Variants in RBFOX1 observed in about 807,000 individuals in gnomAD.
RBFOX1 encodes RNA binding protein fox-1 homolog 1.
RBFOX1 carries 8 observed loss-of-function variants against 57.7 expected under a neutral mutation model. The observed-to-expected ratio is 0.14, with a 90% CI of 0.08 to 0.25. RBFOX1 has a LOEUF of 0.25. Among genes scored for constraint, RBFOX1 ranks in the 10% least tolerant of loss-of-function variants. The pLI is 1.00. For missense variants in RBFOX1, 611 were observed against 548.5 expected (o/e 1.11, Z -1.14); for synonymous variants, 326 against 222.4 (o/e 1.47, Z -4.15).
At chr16:6,799,251 C>T (rs985913045) in intron 3 of RBFOX1, among the ~76,000 whole-genome samples, 1 of 152,106 alleles carries the variant, frequency 6.6e-6, no homozygotes, top group African/African-American at 2.4e-5. Flanking sequence ...ATAGACACAG[C>T]AGGGCCACCC....
intron 1 of RBFOX1, among the ~76,000 whole-genome samples, chr16:6,201,491 G>A (rs1467759084): frequency 3.3e-5 from 5 of 152,126 alleles, no homozygotes; most frequent in African/African-American, 1.2e-4. Flanking sequence ...GAGATAGAGT[G>A]GAATGATGGT....
intron 2 of RBFOX1, among the ~76,000 whole-genome samples, chr16:6,607,366 C>T (rs974471135): frequency 9.3e-5 from 14 of 150,768 alleles, no homozygotes; most frequent in Admixed American, 2.6e-4. Flanking sequence ...ATGTTATAAC[C>T]ATATGACCAA....
At chr16:5,334,897 A>G (rs895232102) in intron 1 of RBFOX1, among the ~76,000 whole-genome samples, 1 of 152,092 alleles carries the variant, frequency 6.6e-6, no homozygotes, top group African/African-American at 2.4e-5. Flanking sequence ...TTTTGCTGTT[A>G]TCAGTGAGGC....
chr16:7,602,163 A>G lies in RBFOX1; in HGVS notation c.622+4732A>G, dbSNP rs143039598. Among the ~76,000 whole-genome samples the G allele has an allele frequency of 7.8e-3, 1,191 of 152,334 alleles. 13 individuals are homozygous for G. The highest frequency in any genetic ancestry group is 0.027 in the African/African-American group (1,135 of 41,576). On this transcript the variant is annotated intron_variant, in intron 9 of 15. Transcript: ENST00000550418. Reference sequence around the variant, plus strand: ...TGTACACATTCAGACTTGGCCTTTTAACACCCAATGCAGTCATAGTTAACA... The same window carrying G: ...TGTACACATTCAGACTTGGCCTTTTGACACCCAATGCAGTCATAGTTAACA...
chr16:6,976,777 T>C (rs918579356), intron 3 of RBFOX1, among the ~76,000 whole-genome samples: 15 of 94,784 alleles, frequency 1.6e-4, no homozygotes, highest in African/African-American at 5.1e-4. Flanking sequence ...GTATGACATA[T>C]CAATATATTA....
intron 3 of RBFOX1, among the ~76,000 whole-genome samples, chr16:5,633,654 A>T (rs1281784924): frequency 6.6e-6 from 1 of 152,060 alleles, no homozygotes; most frequent in Non-Finnish European, 1.5e-5. Flanking sequence ...TGGGTGGCTC[A>T]CCTGAGGTGG....
chr16:7,067,025 G>C (rs1031704853), intron 4 of RBFOX1, among the ~76,000 whole-genome samples: 1 of 152,250 alleles, frequency 6.6e-6, no homozygotes, highest in Admixed American at 6.5e-5. Flanking sequence ...TATGCACACA[G>C]AGCATCTACT....
At chr16:5,450,860 A>G (rs564998443) in intron 1 of RBFOX1, among the ~76,000 whole-genome samples, 159 of 152,242 alleles carry the variant, frequency 1.0e-3, no homozygotes, top group African/African-American at 3.6e-3. Flanking sequence ...TTGGGGTAAC[A>G]TGTCCAGGCT....
At position 5,623,783 on chromosome 16, in the gene RBFOX1, G is replaced by C. The variant is rs571111802; in HGVS notation, c.318+24822G>C. Among the ~76,000 whole-genome samples the C allele has an allele frequency of 6.6e-4, 100 of 152,146 alleles. 1 individual carries two copies. Among genetic ancestry groups the C allele is most frequent in the Non-Finnish European group, 1.1e-3 (74 of 67,998 alleles). On this transcript the variant is annotated intron_variant, in intron 3 of 19. Transcript: ENST00000641259. ...CATCTCTCCCTCTCAATCTGGTTGA[G>C]AGTTGAAGTCCTCAGATGGCAAGAA...
chr16:7,354,833 G>A (rs1041706498), intron 4 of RBFOX1, among the ~76,000 whole-genome samples: 1 of 152,160 alleles, frequency 6.6e-6, no homozygotes, highest in Non-Finnish European at 1.5e-5. Flanking sequence ...GTACTAGACA[G>A]TATGATATAG....
intron 7 of RBFOX1, among the ~76,000 whole-genome samples, chr16:7,590,944 G>T (rs774172182): frequency 2.3e-4 from 35 of 151,524 alleles, no homozygotes; most frequent in Non-Finnish European, 3.8e-4. Flanking sequence ...TTTCATGAGA[G>T]CCAACCATGA....
At chr16:6,981,479 T>C (rs1235200736) in intron 3 of RBFOX1, among the ~76,000 whole-genome samples, 1 of 152,226 alleles carries the variant, frequency 6.6e-6, no homozygotes, top group Non-Finnish European at 1.5e-5. Flanking sequence ...CCACAGATTC[T>C]TTATCCAGTG....
At chr16:6,644,871 C>T (rs1225564215) in intron 2 of RBFOX1, among the ~76,000 whole-genome samples, 1 of 152,130 alleles carries the variant, frequency 6.6e-6, no homozygotes, top group Non-Finnish European at 1.5e-5. Context: ...ATTAAGTAGC[C>T]AAGCATCCTG....
At chr16:6,803,790 G>A (rs949485864) in intron 3 of RBFOX1, among the ~76,000 whole-genome samples, 20 of 152,084 alleles carry the variant, frequency 1.3e-4, no homozygotes, top group African/African-American at 4.1e-4. Flanking sequence ...AGGAATGTTC[G>A]TTAGAGAGTT....
At chr16:5,324,627 A>G (rs1418511857) in intron 1 of RBFOX1, among the ~76,000 whole-genome samples, 1 of 152,242 alleles carries the variant, frequency 6.6e-6, no homozygotes, top group Non-Finnish European at 1.5e-5. Context: ...TTACGCAGCC[A>G]TACAAAGAAC....
At chr16:6,117,280 C>T (rs572360363) in intron 1 of RBFOX1, among the ~76,000 whole-genome samples, 26 of 151,098 alleles carry the variant, frequency 1.7e-4, no homozygotes, top group Middle Eastern at 3.4e-3. Context: ...GTATGCTAAA[C>T]GTACAAAAAA....
At chr16:7,667,735 C>T (rs368948350) in intron 13 of RBFOX1, among the ~76,000 whole-genome samples, 4 of 152,156 alleles carry the variant, frequency 2.6e-5, no homozygotes, top group South Asian at 2.1e-4. Context: ...GGCTGGAGTG[C>T]GGTGCAATGT....
At chr16:6,122,092 G>T (rs1390961422) in intron 1 of RBFOX1, among the ~76,000 whole-genome samples, 1 of 152,154 alleles carries the variant, frequency 6.6e-6, no homozygotes, top group African/African-American at 2.4e-5. Context: ...TTTTAGTAGA[G>T]ATGGGGTTTC....
chr16:7,703,164 G>C (rs567380106), intron 14 of RBFOX1, among the ~76,000 whole-genome samples: 40 of 152,328 alleles, frequency 2.6e-4, no homozygotes, highest in African/African-American at 8.9e-4. Flanking sequence ...GACTTGCATG[G>C]ATTCATTTTT....
Sources: gnomAD v4.1 joint callset for allele counts (sites outside exome capture counted in the v4.1 genomes callset) on GRCh38, gnomAD v4.1.1 for gene constraint, MANE v1.5 for transcripts, NCBI Gene and HGNC (gene_info 2026-07-23, HGNC 2026-07-21) for gene names.